The following CDC42BPA variants were observed in gnomAD, a reference collection of about 807,000 sequenced individuals.
CDC42BPA encodes the protein CDC42 binding protein kinase alpha.
Under a neutral mutation model 223.5 loss-of-function variants are expected in CDC42BPA, and 80 were observed. The ratio of observed to expected loss-of-function variants is 0.36; its 90% CI spans 0.30 to 0.43. The LOEUF is 0.43. CDC42BPA is among the 20% of genes least tolerant of loss of function. The pLI, the probability that CDC42BPA is intolerant of heterozygous loss-of-function variation, is 1.00. For missense variants in CDC42BPA, 1,743 were observed against 2,099.9 expected (o/e 0.83, Z 3.32); for synonymous variants, 694 against 718.6 (o/e 0.97, Z 0.55).
At chr1:227,164,323 T>C (rs1160137709) in intron 5 of CDC42BPA, among the ~76,000 whole-genome samples, 1 of 152,234 alleles carries the variant, frequency 6.6e-6, no homozygotes, top group Non-Finnish European at 1.5e-5. Flanking sequence ...GAAATTTTTA[T>C]GGGAATCATG....
At chr1:227,107,447 G>GTC (rs201995125) in intron 14 of CDC42BPA, among the ~76,000 whole-genome samples, 8,196 of 152,142 alleles carry the variant, frequency 0.054, 249 homozygotes, top group Non-Finnish European at 0.072. Context: ...TTGAGACAGG[G>GTC]TCTCACTCTG....
Position 227,100,968 on chromosome 1 carries a change from T to A in CDC42BPA, c.2249+24A>T, listed in dbSNP as rs748267747. ...ACAGGTACTCAGTAAGTATTTACTG[T>A]ATAGTAAATAATGTGATTCTTACCT... On this transcript the variant is annotated intron_variant, in intron 15 of 36. Transcript: ENST00000366766. 1.6e-5 allele frequency: 21 copies of A among 1,341,382 alleles called. No individual in the cohort carries two copies. The Admixed American group carries it at 3.9e-4, about 25-fold the overall frequency. 83.1% of individuals were successfully genotyped at this position (1,341,382 alleles called of 1,614,324 possible). A position where few individuals can be genotyped will look rare whatever the true frequency, so the allele number is the denominator to read the frequency against.
In CDC42BPA at chr1:227,016,070, T is replaced by C; in HGVS notation, c.4857+10A>G. ...CGCCCTTTTTTACACTCACTCTTAA[T>C]TCCTCTTACCATGGGCAGATCTTTC... is the stretch of plus-strand genomic sequence containing the variant. On this transcript the variant is annotated intron_variant, in intron 34 of 36. Transcript: ENST00000366766. 1 of 1,455,628 alleles carries C rather than the reference T, an allele frequency of 6.9e-7. No individual in the cohort carries two copies. Among genetic ancestry groups the C allele is most frequent in the South Asian group, 1.1e-5 (1 of 87,540 alleles). 90.2% of individuals were successfully genotyped at this position (1,455,628 alleles called of 1,614,324 possible). A position where few individuals can be genotyped will look rare whatever the true frequency, so the allele number is the denominator to read the frequency against.
chr1:227,280,416 A>G (rs1242983118), intron 1 of CDC42BPA, among the ~76,000 whole-genome samples: 1 of 152,260 alleles, frequency 6.6e-6, no homozygotes, highest in African/African-American at 2.4e-5. Flanking sequence ...GAGATGGGTG[A>G]GAAATATGCC....
In CDC42BPA at chr1:227,314,476, T is replaced by A. The variant is rs987387174; in HGVS notation, c.178+2529A>T. Among the ~76,000 whole-genome samples the A allele has an allele frequency of 2.0e-5, 3 of 152,060 alleles. No individual in the cohort carries two copies. In the South Asian group the frequency reaches 6.2e-4, roughly 31 times the overall value. Reference sequence around the variant, plus strand: ...GAAAAACAACATATCTGACTTTGAATTGTCAGTTTTCTTATTGTTTTGATA... The same window carrying A: ...GAAAAACAACATATCTGACTTTGAAATGTCAGTTTTCTTATTGTTTTGATA... On this transcript the variant is annotated intron_variant, in intron 1 of 36. Coordinates refer to ENST00000366766, the MANE Select transcript of CDC42BPA (RefSeq NM_001394014.1).
chr1:227,059,326 G>C (rs1189864265), intron 21 of CDC42BPA: 1 of 1,495,730 alleles, frequency 6.7e-7, no homozygotes, highest in Admixed American at 2.0e-5. Flanking sequence ...GATGAGAGAG[G>C]GGTAAAAGGC....
chr1:227,114,418 G>T (rs115789355), intron 12 of CDC42BPA, among the ~76,000 whole-genome samples: 2,135 of 144,194 alleles, frequency 0.015, 30 homozygotes, highest in Non-Finnish European at 0.022. Context: ...ACCATAATCA[G>T]ATCTGCACTA....
intron 15 of CDC42BPA, among the ~76,000 whole-genome samples, chr1:227,097,869 G>A (rs1323391978): frequency 6.6e-6 from 1 of 152,148 alleles, no homozygotes; most frequent in African/African-American, 2.4e-5. Context: ...TCAGAGAAGG[G>A]ATGCAACCCC....
intron 1 of CDC42BPA, among the ~76,000 whole-genome samples, chr1:227,295,043 A>T (rs943627050): frequency 6.6e-6 from 1 of 152,050 alleles, no homozygotes; most frequent in African/African-American, 2.4e-5. Context: ...GCTATGTTAC[A>T]GCAGTGAAAA....
In CDC42BPA at chr1:227,067,654, T is replaced by G. The variant is rs982010711; in HGVS notation, c.2904+2123A>C. ...GAATAGCAAAACACTTTGTTTAGAA[T>G]GAAAATGTGCAAACTTCAGTATAAA... On this transcript the variant is annotated intron_variant, in intron 21 of 36. Coordinates refer to ENST00000366766, the MANE Select transcript of CDC42BPA (RefSeq NM_001394014.1). 2.0e-5 allele frequency among the ~76,000 whole-genome samples: 3 copies of G among 152,274 alleles called. No individual in the cohort carries two copies. In the Middle Eastern group the frequency reaches 0.01, roughly 518 times the overall value.
At chr1:227,077,187 T>G (rs1679669154) in intron 17 of CDC42BPA, among the ~76,000 whole-genome samples, 1 of 152,232 alleles carries the variant, frequency 6.6e-6, no homozygotes, top group Non-Finnish European at 1.5e-5. Flanking sequence ...TGGTTTCAAA[T>G]CCTAGCTCTG....
At chr1:227,069,944 T>G in intron 20 of CDC42BPA, 91 bp from the exon 21 acceptor site, 1 of 763,336 alleles carries the variant, frequency 1.3e-6, no homozygotes, top group Non-Finnish European at 2.2e-6. Flanking sequence ...CTAAAAGCAG[T>G]TCACAAACTA....
At chr1:227,305,323 T>A (rs1692351840) in intron 1 of CDC42BPA, among the ~76,000 whole-genome samples, 1 of 151,654 alleles carries the variant, frequency 6.6e-6, no homozygotes, top group Admixed American at 6.6e-5. Flanking sequence ...CAAACATTTT[T>A]TTATCTTAAA....
chr1:227,059,459 A>G lies in CDC42BPA; in HGVS notation c.2905-7474T>C, dbSNP rs10495265. ...GGACATGTTACAAATATTTACACAC[A>G]TAAGACTCTCAAGGACTACTATTGT... On this transcript the variant is annotated intron_variant, in intron 21 of 36. Coordinates refer to ENST00000366766, the MANE Select transcript of CDC42BPA (RefSeq NM_001394014.1). The G allele has an allele frequency of 6.1e-6, 9 of 1,477,236 alleles. No individual in the cohort carries two copies. The Admixed American group carries it at 9.8e-5, about 16-fold the overall frequency. 91.5% of individuals were successfully genotyped at this position (1,477,236 alleles called of 1,614,324 possible). A position where few individuals can be genotyped will look rare whatever the true frequency, so the allele number is the denominator to read the frequency against.
chr1:227,047,133 CTA>C (rs1672610666), intron 23 of CDC42BPA, among the ~76,000 whole-genome samples: 1 of 152,096 alleles, frequency 6.6e-6, no homozygotes, highest in African/African-American at 2.4e-5. Context: ...TTTACCCCTT[CTA>C]CTATTAAAGT....
chr1:227,271,949 G>C (rs1160011330), intron 1 of CDC42BPA, among the ~76,000 whole-genome samples: 1 of 151,936 alleles, frequency 6.6e-6, no homozygotes, highest in Non-Finnish European at 1.5e-5. Context: ...AAATTACAAA[G>C]AAAGAAAAAA....
chr1:227,039,125 G>T (rs1670874464), intron 24 of CDC42BPA, among the ~76,000 whole-genome samples: 1 of 152,070 alleles, frequency 6.6e-6, no homozygotes, highest in African/African-American at 2.4e-5. Context: ...TTACAGTCCT[G>T]ATTTGGTTCC....
At chr1:227,060,833 T>G (rs995051586) in intron 21 of CDC42BPA, among the ~76,000 whole-genome samples, 6 of 146,904 alleles carry the variant, frequency 4.1e-5, no homozygotes, top group African/African-American at 1.5e-4. Context: ...GTGATTCTCC[T>G]CCCTCAGACT....
chr1:227,129,552 C>T (rs1656552444), intron 10 of CDC42BPA, among the ~76,000 whole-genome samples: 1 of 150,484 alleles, frequency 6.6e-6, no homozygotes, highest in Non-Finnish European at 1.5e-5. Flanking sequence ...CCTGAAGTCC[C>T]GCTACTCAGG....
Sources: allele counts gnomAD v4.1 joint callset (sites outside exome capture counted in the v4.1 genomes callset), GRCh38; gene constraint gnomAD v4.1.1; transcripts MANE v1.5; gene names NCBI Gene and HGNC (gene_info 2026-07-23, HGNC 2026-07-21).